DLGAP2: variants seen among roughly 807,000 people sequenced by gnomAD.
DLGAP2 encodes the protein DLG associated protein 2.
A neutral mutation model predicts 100.3 loss-of-function variants in DLGAP2; 26 were observed. The observed-to-expected ratio is 0.26, with a 90% CI of 0.19 to 0.36. The LOEUF is 0.36. Among genes scored for constraint, DLGAP2 ranks in the 10% least tolerant of loss-of-function variants. The pLI is 1.00. For synonymous variants in DLGAP2, 886 were observed against 630.1 expected (o/e 1.41, Z -6.08); for missense variants, 1,858 against 1,453.2 (o/e 1.28, Z -4.53).
intron 2 of DLGAP2, among the ~76,000 whole-genome samples, chr8:1,072,145 T>A (rs1418565955): frequency 6.6e-6 from 1 of 151,714 alleles, no homozygotes; most frequent in Non-Finnish European, 1.5e-5. Context: ...GTGGAGGGGG[T>A]GCGGGTTTGA....
At chr8:1,428,628 A>T (rs1451282280) in intron 3 of DLGAP2, among the ~76,000 whole-genome samples, 1 of 152,256 alleles carries the variant, frequency 6.6e-6, no homozygotes, top group Non-Finnish European at 1.5e-5. Context: ...AAGTATGCCT[A>T]TGTATACCTA....
chr8:1,590,428 T>C (rs989488180), intron 6 of DLGAP2, among the ~76,000 whole-genome samples: 1 of 152,184 alleles, frequency 6.6e-6, no homozygotes, highest in African/African-American at 2.4e-5. Context: ...TCTTCCGGAA[T>C]GTATGGTCAA....
intron 2 of DLGAP2, among the ~76,000 whole-genome samples, chr8:1,225,597 A>C (rs1798397792): frequency 2.0e-5 from 3 of 152,250 alleles, no homozygotes. Context: ...CTCAGCTTTA[A>C]AAATTAAAAT....
chr8:1,256,449 C>T (rs1563044932), intron 2 of DLGAP2, among the ~76,000 whole-genome samples: 2,565 of 117,450 alleles, frequency 0.022, 244 homozygotes, highest in African/African-American at 0.084. Context: ...CTCTCCTGCC[C>T]AGGTGCTGTG....
At chr8:1,494,263 T>C (rs1431440982) in intron 3 of DLGAP2, among the ~76,000 whole-genome samples, 1 of 152,262 alleles carries the variant, frequency 6.6e-6, no homozygotes, top group Admixed American at 6.5e-5. Flanking sequence ...TCTAATACTT[T>C]GAAGGCTTAA....
intron 4 of DLGAP2, among the ~76,000 whole-genome samples, chr8:1,536,714 T>C (rs948118885): frequency 6.6e-6 from 1 of 152,220 alleles, no homozygotes; most frequent in African/African-American, 2.4e-5. Flanking sequence ...TGGTCTCATA[T>C]TCATTTTGTC....
intron 1 of DLGAP2, among the ~76,000 whole-genome samples, chr8:805,813 C>T (rs73181028): frequency 0.096 from 14,622 of 152,206 alleles, 940 homozygotes; most frequent in Middle Eastern, 0.17. Flanking sequence ...CGTGAGCCAC[C>T]GCACGCAGCC....
intron 3 of DLGAP2, among the ~76,000 whole-genome samples, chr8:1,367,402 C>A (rs1802132760): frequency 6.6e-6 from 1 of 152,162 alleles, no homozygotes; most frequent in Non-Finnish European, 1.5e-5. Flanking sequence ...ATCCACAGAC[C>A]AACTAGCACA....
chr8:1,649,008 G>T (rs1286349165), intron 8 of DLGAP2, among the ~76,000 whole-genome samples: 1 of 152,126 alleles, frequency 6.6e-6, no homozygotes, highest in Admixed American at 6.6e-5. Flanking sequence ...CTTGGATGGC[G>T]TCTGAACACA....
At chr8:1,427,200 G>A (rs1008779954) in intron 3 of DLGAP2, among the ~76,000 whole-genome samples, 1 of 152,126 alleles carries the variant, frequency 6.6e-6, no homozygotes, top group African/African-American at 2.4e-5. Flanking sequence ...ATAAAAAGGA[G>A]AAATTGACAA....
chr8:1,172,948 A>G (rs964382615), intron 2 of DLGAP2, among the ~76,000 whole-genome samples: 2 of 152,206 alleles, frequency 1.3e-5, no homozygotes, highest in South Asian at 4.1e-4. Context: ...TTGGAGGAGG[A>G]GAGGTGCTCT....
At chr8:1,344,015 T>G (rs1801482709) in intron 3 of DLGAP2, among the ~76,000 whole-genome samples, 2 of 151,876 alleles carry the variant, frequency 1.3e-5, no homozygotes. Flanking sequence ...TATTCACAGA[T>G]GTTTCCGGTT....
chr8:1,169,974 A>G (rs7817041), intron 2 of DLGAP2, among the ~76,000 whole-genome samples: 27,784 of 151,208 alleles, frequency 0.18, 2,728 homozygotes, highest in Middle Eastern at 0.34. Context: ...TTTCAAAGGG[A>G]ATGCTTCCAG....
intron 2 of DLGAP2, among the ~76,000 whole-genome samples, chr8:974,544 G>A (rs1156257048): frequency 6.6e-6 from 1 of 152,092 alleles, no homozygotes. Flanking sequence ...GTAACACAAA[G>A]TCTGCTCTTA....
rs80177504 is a variant in DLGAP2, at chr8:1,455,823, C to G, written c.107-45543C>G. On this transcript the variant is annotated intron_variant, in intron 3 of 14. Transcript: ENST00000637795. ...GCACCACCTCCTCCCATCAGCAAGGCTGCAGCGTTCCAGGCAGACCACAGA... is the reference window on the plus strand; with the variant it reads ...GCACCACCTCCTCCCATCAGCAAGGGTGCAGCGTTCCAGGCAGACCACAGA... Among the ~76,000 whole-genome samples, 227 of 152,346 alleles carry G rather than the reference C, an allele frequency of 1.5e-3. No homozygotes were observed. In the East Asian group the frequency reaches 0.029, roughly 19 times the overall value.
chr8:953,494 A>G (rs1799529759), intron 2 of DLGAP2, among the ~76,000 whole-genome samples: 1 of 152,202 alleles, frequency 6.6e-6, no homozygotes, highest in African/African-American at 2.4e-5. Context: ...GCCTGGCCCA[A>G]ATTTTTAAAT....
intron 3 of DLGAP2, among the ~76,000 whole-genome samples, chr8:1,438,051 TA>T (rs1797702455): frequency 6.6e-6 from 1 of 152,090 alleles, no homozygotes; most frequent in Non-Finnish European, 1.5e-5. Context: ...AAATTTGGTA[TA>T]GAGGATTTCT....
Position 1,433,893 on chromosome 8 carries a change from A to G in DLGAP2, c.107-67473A>G, listed in dbSNP as rs76370169. Among the ~76,000 whole-genome samples the G allele has an allele frequency of 1.2e-3, 183 of 152,280 alleles. 1 individual carries two copies. Among genetic ancestry groups the G allele is most frequent in the African/African-American group, 4.1e-3 (172 of 41,558 alleles). ...ATGCACATGGAATCCAGTGCTGTCC[A>G]TGGTCCCTGGGGTCCTTACACTCTC... On this transcript the variant is annotated intron_variant, in intron 3 of 14. Coordinates refer to ENST00000637795, the MANE Select transcript of DLGAP2 (RefSeq NM_001346810.2).
At chr8:1,076,096 T>C (rs890419240) in intron 2 of DLGAP2, among the ~76,000 whole-genome samples, 1 of 152,032 alleles carries the variant, frequency 6.6e-6, no homozygotes, top group Non-Finnish European at 1.5e-5. Flanking sequence ...ACAACAACGT[T>C]ATCTAGAAAA....
Sources: allele counts gnomAD v4.1 joint callset (sites outside exome capture counted in the v4.1 genomes callset), GRCh38; gene constraint gnomAD v4.1.1; transcripts MANE v1.5; gene names NCBI Gene and HGNC (gene_info 2026-07-23, HGNC 2026-07-21).